Variants in MIR2052HG observed in about 807,000 individuals in gnomAD.
MIR2052HG encodes the protein MIR2052 host gene.
At chr8:74,623,331 G>A (rs1275066139) in intron 2 of MIR2052HG, among the ~76,000 whole-genome samples, 8 of 152,082 alleles carry the variant, frequency 5.3e-5, no homozygotes, top group Admixed American at 5.2e-4. Flanking sequence ...TGACAATTGG[G>A]GACATTTTAC....
rs992689456 is a variant in MIR2052HG, at chr8:74,677,127, G to T, written n.217-25252G>T. On this transcript the variant is annotated intron_variant and non_coding_transcript_variant, in intron 2 of 6. Coordinates refer to ENST00000523442, the Ensembl canonical transcript of MIR2052HG. ...GAAAAGATGATTAAATAATGTTGAA[G>T]AGCTCAGTTCACCAGGAAGATATTA... Among the ~76,000 whole-genome samples, 4 of 151,962 alleles carry T rather than the reference G, an allele frequency of 2.6e-5. No individual in the cohort carries two copies. The South Asian group carries it at 8.3e-4, about 31-fold the overall frequency.
chr8:74,714,398 C>T (rs191830232), intron 4 of MIR2052HG, among the ~76,000 whole-genome samples: 491 of 152,008 alleles, frequency 3.2e-3, no homozygotes, highest in Non-Finnish European at 5.3e-3. Flanking sequence ...TTACAAAAGA[C>T]GGGGAAAGGA....
intron 4 of MIR2052HG, among the ~76,000 whole-genome samples, chr8:74,748,341 C>G (rs1356443668): frequency 6.6e-6 from 1 of 152,190 alleles, no homozygotes; most frequent in Non-Finnish European, 1.5e-5. Flanking sequence ...AGTACCAGCT[C>G]TGTCCTTAAA....
chr8:74,602,876 T>TCTTTCTTTCTTTTCTTTC (rs1554570015), intron 1 of MIR2052HG, among the ~76,000 whole-genome samples: 24 of 137,122 alleles, frequency 1.8e-4, no homozygotes, highest in East Asian at 1.1e-3. Context: ...TTTCTTTCTT[T>TCTTTCTTTCTTTTCTTTC]TTTCTATTCA....
rs928441056 is a variant in MIR2052HG, at chr8:74,622,579, A to C, written n.216+9639A>C. ...AGATCTCATCACTGCACTCCAGCCT[A>C]GGCCACAGAGTGAGACCCTGTCTCA... is the stretch of plus-strand genomic sequence containing the variant. On this transcript the variant is annotated intron_variant and non_coding_transcript_variant, in intron 2 of 6. Transcript: ENST00000523442. Among the ~76,000 whole-genome samples, 3 of 152,234 alleles carry C rather than the reference A, an allele frequency of 2.0e-5. No homozygotes were observed. In the South Asian group the frequency reaches 6.2e-4, roughly 32 times the overall value.
At chr8:74,607,938 G>T (rs752478674) in intron 1 of MIR2052HG, among the ~76,000 whole-genome samples, 41 of 152,130 alleles carry the variant, frequency 2.7e-4, no homozygotes, top group Admixed American at 2.0e-3. Flanking sequence ...AGGTGTGGGA[G>T]GTGTCTACAT....
intron 2 of MIR2052HG, among the ~76,000 whole-genome samples, chr8:74,694,199 TC>T (rs1320907040): frequency 2.6e-5 from 4 of 152,014 alleles, no homozygotes; most frequent in Non-Finnish European, 5.9e-5. Flanking sequence ...TTGCAGACAC[TC>T]CCCAGTACCA....
At chr8:74,670,375 G>A (rs1378605541) in intron 2 of MIR2052HG, among the ~76,000 whole-genome samples, 3 of 152,066 alleles carry the variant, frequency 2.0e-5, no homozygotes, top group Non-Finnish European at 2.9e-5. Flanking sequence ...TATTCTTTCC[G>A]GTAATATGGC....
chr8:74,679,100 G>A (rs976193803), intron 2 of MIR2052HG, among the ~76,000 whole-genome samples: 2 of 152,062 alleles, frequency 1.3e-5, no homozygotes, highest in Non-Finnish European at 1.5e-5. Context: ...TTTCAAAATT[G>A]TATTTTATTT....
chr8:74,733,756 T>A (rs1394745458), intron 4 of MIR2052HG, among the ~76,000 whole-genome samples: 14 of 145,116 alleles, frequency 9.6e-5, no homozygotes, highest in African/African-American at 3.6e-4. Flanking sequence ...GTTTCCTGAC[T>A]TTTTAATGAT....
chr8:74,745,106 G>A (rs1042551714), intron 4 of MIR2052HG, among the ~76,000 whole-genome samples: 6 of 151,892 alleles, frequency 4.0e-5, no homozygotes, highest in African/African-American at 1.4e-4. Context: ...AAAAAAAAAT[G>A]TGAAAAAATG....
intron 1 of MIR2052HG, chr8:74,604,188 A>C: frequency 1.1e-6 from 1 of 892,142 alleles, no homozygotes; most frequent in Middle Eastern, 2.2e-4. Flanking sequence ...TTCCATGCAT[A>C]AGTAGTCGGA....
At chr8:74,715,548 C>T (rs1008247754) in intron 4 of MIR2052HG, among the ~76,000 whole-genome samples, 5 of 152,092 alleles carry the variant, frequency 3.3e-5, no homozygotes, top group African/African-American at 4.8e-5. Context: ...GAACTGAATA[C>T]GTTTTGGACA....
intron 4 of MIR2052HG, among the ~76,000 whole-genome samples, chr8:74,732,745 G>A (rs921181983): frequency 2.0e-5 from 3 of 152,122 alleles, no homozygotes; most frequent in African/African-American, 4.8e-5. Flanking sequence ...TGACTATCAA[G>A]GGAGGAGGGA....
At chr8:74,605,166 C>T (rs112205098) in intron 1 of MIR2052HG, among the ~76,000 whole-genome samples, 2 of 152,312 alleles carry the variant, frequency 1.3e-5, no homozygotes, top group African/African-American at 4.8e-5. Context: ...TTCCTCCCCT[C>T]ATCAAAGATG....
chr8:74,630,541 A>G (rs1411118595), intron 2 of MIR2052HG, among the ~76,000 whole-genome samples: 22 of 151,926 alleles, frequency 1.4e-4, no homozygotes, highest in Admixed American at 1.2e-3. Context: ...AAAAAAAAAA[A>G]AAAGAAAAAA....
At chr8:74,638,278 T>C (rs557859025) in intron 2 of MIR2052HG, among the ~76,000 whole-genome samples, 1 of 152,266 alleles carries the variant, frequency 6.6e-6, no homozygotes, top group South Asian at 2.1e-4. Context: ...TTATTTGATA[T>C]AAAAGTATGA....
chr8:74,689,913 A>G (rs1681386276), intron 2 of MIR2052HG, among the ~76,000 whole-genome samples: 1 of 152,234 alleles, frequency 6.6e-6, no homozygotes, highest in Admixed American at 6.5e-5. Flanking sequence ...GGTGGGAATG[A>G]CAGACATTTA....
At chr8:74,687,851 G>C (rs1029179537) in intron 2 of MIR2052HG, among the ~76,000 whole-genome samples, 2 of 152,098 alleles carry the variant, frequency 1.3e-5, no homozygotes, top group Non-Finnish European at 2.9e-5. Flanking sequence ...TCACAAAAAT[G>C]GGACACAAAG....
Sources: gnomAD v4.1 joint callset for allele counts (sites outside exome capture counted in the v4.1 genomes callset) on GRCh38, gnomAD v4.1.1 for gene constraint, MANE v1.5 for transcripts, NCBI Gene and HGNC (gene_info 2026-07-23, HGNC 2026-07-21) for gene names.